SPEF2: variants seen among roughly 807,000 people sequenced by gnomAD.
The protein encoded by SPEF2 is sperm flagella and cilia-associated protein 2.
In SPEF2, 187 loss-of-function variants were observed where a neutral mutation model predicts 224.6. The observed-to-expected ratio is 0.83, with a 90% CI of 0.74 to 0.94. The LOEUF is 0.94. Ranked by LOEUF, SPEF2 falls within the 40% of genes least tolerant of loss-of-function variation. The pLI is 0.00. For synonymous variants in SPEF2, 715 were observed against 707.3 expected, an observed-to-expected ratio of 1.01 and a Z score of -0.17; for missense variants, 2,170 against 2,135.6, an observed-to-expected ratio of 1.02 and a Z score of -0.32.
intron 16 of SPEF2, among the ~76,000 whole-genome samples, chr5:35,703,775 C>T (rs1209331776): frequency 6.6e-6 from 1 of 152,158 alleles, no homozygotes; most frequent in Non-Finnish European, 1.5e-5. Flanking sequence ...TTTAAAGCAT[C>T]ATTCTGTATT....
At chr5:35,775,860 GA>G (rs1196667804) in intron 28 of SPEF2, among the ~76,000 whole-genome samples, 3 of 152,158 alleles carry the variant, frequency 2.0e-5, no homozygotes, top group Non-Finnish European at 4.4e-5. Flanking sequence ...GGGGCACATG[GA>G]GTTTGCCCTG....
intron 30 of SPEF2, among the ~76,000 whole-genome samples, chr5:35,785,468 C>G (rs1754965745): frequency 1.3e-5 from 2 of 151,998 alleles, no homozygotes; most frequent in South Asian, 4.2e-4. Context: ...TGTTTTGAAA[C>G]TAGCAAAATC....
intron 36 of SPEF2, among the ~76,000 whole-genome samples, chr5:35,809,405 G>A (rs1758399173): frequency 6.6e-6 from 1 of 152,162 alleles, no homozygotes; most frequent in Non-Finnish European, 1.5e-5. Context: ...TTTTGTGCTG[G>A]AAGTGTGGAG....
chr5:35,675,873 A>C (rs1580222961), intron 10 of SPEF2: 2 of 455,312 alleles, frequency 4.4e-6, no homozygotes, highest in East Asian at 1.4e-4. Flanking sequence ...GTTGTAGGCC[A>C]AGGATTTCAG....
chr5:35,779,307 G>A lies in SPEF2; in HGVS notation c.4408G>A (p.Asp1470Asn), dbSNP rs771040843. 1 of 1,613,028 alleles carries A rather than the reference G, an allele frequency of 6.2e-7. No homozygotes were observed. The highest frequency in any genetic ancestry group is 1.3e-5 in the African/African-American group (1 of 74,840). Reference sequence around the variant, plus strand: ...TGGTACCCTGACCATTGAACAGCTTGACAGTCTTCGAGATCAGTTCTTAGA... The same window carrying A: ...TGGTACCCTGACCATTGAACAGCTTAACAGTCTTCGAGATCAGTTCTTAGA... ...EDGTLTIEQL[D>N]SLRDQFLDMA... The change falls in exon 30 of 37, where the codon GAC becomes AAC. Residue 1470 changes from aspartate to asparagine, a missense_variant. Asp to Asn is a conservative substitution (Grantham distance 23). Coordinates refer to ENST00000356031, the MANE Select transcript of SPEF2 (RefSeq NM_024867.4).
intron 26 of SPEF2, among the ~76,000 whole-genome samples, chr5:35,770,852 G>C (rs1752733350): frequency 1.3e-5 from 2 of 151,632 alleles, no homozygotes; most frequent in African/African-American, 4.9e-5. Flanking sequence ...AATGAAAGGA[G>C]GCACTTGGTG....
chr5:35,691,147 T>A lies in SPEF2; in HGVS notation c.1635T>A (p.Pro545=). The part of the protein sequence containing the change: ...ILHRLAEKSL[P]PRAESTTPEL... ...ACAGGCTAGCTGAAAAATCTCTTCC[T>A]CCTCGAGCGGAATCAACAACACCTG... The change falls in exon 11 of 37, where the codon CCT becomes CCA. Residue 545 remains proline (P), a synonymous_variant. Coordinates refer to ENST00000356031, the MANE Select transcript of SPEF2 (RefSeq NM_024867.4). The A allele has an allele frequency of 6.2e-7, 1 of 1,614,104 alleles. No individual in the cohort carries two copies. Among genetic ancestry groups the A allele is most frequent in the Non-Finnish European group, 8.5e-7 (1 of 1,179,980 alleles).
Position 35,687,914 on chromosome 5 carries a change from A to T in SPEF2, c.1525-3123A>T, listed in dbSNP as rs530766613. On this transcript the variant is annotated intron_variant, in intron 10 of 36. Coordinates refer to ENST00000356031, the MANE Select transcript of SPEF2 (RefSeq NM_024867.4). Reference sequence around the variant, plus strand: ...TTTGTCAGCTTTTGCAAGCAAAAAAAATTGCAAGCAAAAAATTTTTGCAAG... The same window carrying T: ...TTTGTCAGCTTTTGCAAGCAAAAAATATTGCAAGCAAAAAATTTTTGCAAG... Among the ~76,000 whole-genome samples the T allele has an allele frequency of 2.4e-4, 36 of 152,170 alleles. 1 individual carries two copies. Among genetic ancestry groups the T allele is most frequent in the African/African-American group, 8.0e-4 (33 of 41,470 alleles).
At chr5:35,702,352 G>C (rs766752665) in intron 16 of SPEF2, 1 of 455,692 alleles carries the variant, frequency 2.2e-6, no homozygotes, top group Non-Finnish European at 4.4e-6. Flanking sequence ...CAATGGGCAG[G>C]AGACTGGGGG....
chr5:35,803,881 CCTT>C (rs573016615), intron 34 of SPEF2, among the ~76,000 whole-genome samples: 327 of 152,332 alleles, frequency 2.1e-3, no homozygotes, highest in African/African-American at 7.8e-3. Context: ...GCGGCTCAGG[CCTT>C]CTGCTTAAAG....
chr5:35,681,783 C>A (rs1015019503), intron 10 of SPEF2, among the ~76,000 whole-genome samples: 1 of 151,974 alleles, frequency 6.6e-6, no homozygotes, highest in Non-Finnish European at 1.5e-5. Flanking sequence ...ATGGGGAGAC[C>A]TAGTCAAAAA....
At position 35,813,910 on chromosome 5, in the gene SPEF2, T is replaced by C. The variant is rs562008259; in HGVS notation, c.5380-554T>C. Among the ~76,000 whole-genome samples the C allele has an allele frequency of 2.6e-4, 39 of 152,212 alleles. 1 individual carries two copies. The highest frequency in any genetic ancestry group is 3.4e-3 in the Middle Eastern group (1 of 294). ...TGGTACTCCTTCTACATTGTAATAA[T>C]AGTTTAAATATATTTTGAAAAATAT... On this transcript the variant is annotated intron_variant, in intron 36 of 36. Coordinates refer to ENST00000356031, the MANE Select transcript of SPEF2 (RefSeq NM_024867.4).
chr5:35,738,619 A>T (rs1241848251), intron 21 of SPEF2, among the ~76,000 whole-genome samples: 3 of 150,220 alleles, frequency 2.0e-5, no homozygotes, highest in African/African-American at 7.3e-5. Context: ...TCTGCCGCTA[A>T]TCTGGGCACA....
chr5:35,772,330 A>G (rs1244747951), intron 27 of SPEF2, among the ~76,000 whole-genome samples: 2 of 152,164 alleles, frequency 1.3e-5, no homozygotes, highest in Non-Finnish European at 2.9e-5. Flanking sequence ...CCACTCATAG[A>G]TTGTCTGTGA....
intron 23 of SPEF2, among the ~76,000 whole-genome samples, chr5:35,748,613 C>T (rs1748927085): frequency 6.6e-6 from 1 of 152,014 alleles, no homozygotes; most frequent in African/African-American, 2.4e-5. Flanking sequence ...ACCTTCCTAG[C>T]TTAAATCAAG....
At chr5:35,771,575 G>A (rs1261299497) in intron 26 of SPEF2, 34 bp from the exon 27 acceptor site, 2 of 1,579,994 alleles carry the variant, frequency 1.3e-6, no homozygotes, top group Non-Finnish European at 1.7e-6. Context: ...TTGTAAATGA[G>A]ACATTAACTG....
Position 35,779,343 on chromosome 5 carries a change from AAAGG to A in SPEF2, c.4445_4447+1del. ...AGATCAGTTCTTAGATATGGCACCT[AAAGG>A]TAGGAAAAATAATTATCATGAAAAG... is the stretch of plus-strand genomic sequence containing the variant. On this transcript the variant is annotated splice_donor_variant and coding_sequence_variant, in exon 30 of 37. Transcript: ENST00000356031. LOFTEE classifies it high-confidence loss of function. The A allele has an allele frequency of 1.9e-6, 3 of 1,589,548 alleles. No homozygotes were observed. Among genetic ancestry groups the A allele is most frequent in the Non-Finnish European group, 2.6e-6 (3 of 1,169,696 alleles).
At chr5:35,660,267 T>C (rs1749526443) in intron 8 of SPEF2, among the ~76,000 whole-genome samples, 1 of 152,170 alleles carries the variant, frequency 6.6e-6, no homozygotes, top group African/African-American at 2.4e-5. Context: ...CCACATTTGA[T>C]TGAAGAGAAC....
chr5:35,789,006 C>G, intron 30 of SPEF2: 1 of 696,156 alleles, frequency 1.4e-6, no homozygotes, highest in Non-Finnish European at 2.6e-6. Flanking sequence ...AAGGGATATC[C>G]TGCAATTGTT....
Sources: gnomAD v4.1 joint callset for allele counts (sites outside exome capture counted in the v4.1 genomes callset) on GRCh38, gnomAD v4.1.1 for gene constraint, MANE v1.5 for transcripts, NCBI Gene and HGNC (gene_info 2026-07-23, HGNC 2026-07-21) for gene names.